Variants in PCDH9 observed in about 807,000 individuals in gnomAD.
The protein encoded by PCDH9 is protocadherin-9.
In PCDH9, 24 loss-of-function variants were observed where a neutral mutation model predicts 70.6. The observed-to-expected ratio is 0.34, with a 90% confidence interval of 0.25 to 0.48. The LOEUF (loss-of-function observed/expected upper bound fraction) is 0.48. Ranked by LOEUF, PCDH9 falls within the 20% of genes least tolerant of loss-of-function variation. The probability of loss-of-function intolerance (pLI) is 0.99; values close to 1 mark genes in which losing one functional copy is unlikely to be tolerated. For missense variants in PCDH9, 1,281 were observed against 1,503.6 expected, an observed-to-expected ratio of 0.85 and a Z score of 2.45; for synonymous variants, 562 against 558.5, an observed-to-expected ratio of 1.01 and a Z score of -0.09.
rs10579281 is a variant in PCDH9, at chr13:66,640,530, GACAC to G, written c.3139-9123_3139-9120del. Among the ~76,000 whole-genome samples the G allele has an allele frequency of 7.0e-3, 1,038 of 149,008 alleles. 3 individuals are homozygous for G. The highest frequency in any genetic ancestry group is 0.014 in the South Asian group (64 of 4,690). On this transcript the variant is annotated intron_variant, in intron 3 of 4. Coordinates refer to ENST00000377865, the MANE Select transcript of PCDH9 (RefSeq NM_203487.3). ...TTAAACAGTCACGCACCCATGCAAA[GACAC>G]ACACACACACACACACACACACACA...
chr13:66,602,926 T>C (rs1270587145), intron 4 of PCDH9, among the ~76,000 whole-genome samples: 1 of 146,016 alleles, frequency 6.8e-6, no homozygotes, highest in East Asian at 1.9e-4. Flanking sequence ...TTGCCTACAG[T>C]ATTCAATATA....
At chr13:66,375,773 T>C (rs891320170) in intron 4 of PCDH9, among the ~76,000 whole-genome samples, 3 of 152,110 alleles carry the variant, frequency 2.0e-5, no homozygotes, top group Non-Finnish European at 2.9e-5. Context: ...AAAATCATTA[T>C]ATCTGAGCCA....
At chr13:66,448,620 A>G (rs1445398404) in intron 4 of PCDH9, among the ~76,000 whole-genome samples, 2 of 152,192 alleles carry the variant, frequency 1.3e-5, no homozygotes, top group African/African-American at 4.8e-5. Context: ...ATAATACCAC[A>G]TCACAGAAAT....
rs116074158 is a variant in PCDH9 at position 66,898,363 on chromosome 13, G to T, written c.3138+5141C>A. On this transcript the variant is annotated intron_variant, in intron 3 of 4. Coordinates refer to ENST00000377865, the MANE Select transcript of PCDH9 (RefSeq NM_203487.3). ...TTTATGAAGAAAGAAAAAATTTAGT[G>T]TTATTAGTAAATATCTATTAATTGT... 9.4e-3 allele frequency among the ~76,000 whole-genome samples: 1,431 copies of T among 151,902 alleles called. 23 individuals are homozygous for T. The highest frequency in any genetic ancestry group is 0.032 in the African/African-American group (1,329 of 41,478).
rs150604922 is a variant in PCDH9, at chr13:66,390,703, T to C, written c.3341-85675A>G. ...GTGAGCCAAGATCATGCCACTGCACTCCAGCTTGGTGACAGAGATGGAGTC... is the reference window on the plus strand; with the variant it reads ...GTGAGCCAAGATCATGCCACTGCACCCCAGCTTGGTGACAGAGATGGAGTC... On this transcript the variant is annotated intron_variant, in intron 4 of 4. Transcript: ENST00000377865. 2.4e-4 allele frequency among the ~76,000 whole-genome samples: 36 copies of C among 148,364 alleles called. No homozygotes were observed. In the East Asian group the frequency reaches 7.0e-3, roughly 29 times the overall value.
intron 2 of PCDH9, among the ~76,000 whole-genome samples, chr13:67,072,441 T>C (rs548217677): frequency 6.6e-6 from 1 of 152,144 alleles, no homozygotes; most frequent in Non-Finnish European, 1.5e-5. Flanking sequence ...CGCATGACTA[T>C]CCTTAAAAAC....
chr13:66,341,743 T>C (rs1382058054), intron 4 of PCDH9, among the ~76,000 whole-genome samples: 1 of 22,042 alleles, frequency 4.5e-5, no homozygotes, highest in Non-Finnish European at 2.6e-3. Flanking sequence ...ACTAATCCTG[T>C]ACTAACAGGC....
intron 3 of PCDH9, among the ~76,000 whole-genome samples, chr13:66,779,129 T>C (rs1594049444): frequency 6.6e-6 from 1 of 152,116 alleles, no homozygotes; most frequent in East Asian, 1.9e-4. Context: ...TTTTGGTAGC[T>C]ATTTTGGTAT....
intron 2 of PCDH9, among the ~76,000 whole-genome samples, chr13:67,112,892 G>C (rs2086685704): frequency 6.6e-6 from 1 of 150,810 alleles, no homozygotes; most frequent in East Asian, 1.9e-4. Context: ...CTAATTTTTT[G>C]TAATTTTTTG....
At chr13:66,442,813 A>C (rs908379405) in intron 4 of PCDH9, among the ~76,000 whole-genome samples, 29 of 152,268 alleles carry the variant, frequency 1.9e-4, no homozygotes, top group Non-Finnish European at 2.8e-4. Flanking sequence ...TGCTCATCAT[A>C]ATATTTTCTC....
chr13:67,197,739 C>A (rs1014455488), intron 2 of PCDH9, among the ~76,000 whole-genome samples: 1 of 151,726 alleles, frequency 6.6e-6, no homozygotes, highest in Admixed American at 6.6e-5. Flanking sequence ...ATATCGATAA[C>A]CATTTATATG....
rs112496182 is a variant in PCDH9, at chr13:66,626,996, C to T, written c.3340+4214G>A. Among the ~76,000 whole-genome samples, 204 of 138,402 alleles carry T rather than the reference C, an allele frequency of 1.5e-3. 1 individual carries two copies. The highest frequency in any genetic ancestry group is 4.9e-3 in the African/African-American group (191 of 39,102). The allele number at this position is 138,402 out of a possible 152,430, so 90.8% of individuals were successfully genotyped here. A position where few individuals can be genotyped will look rare whatever the true frequency, so the allele number is the denominator to read the frequency against. ...GTGTGTGTGTGTGTGTGTTTAGAAGCAATAACCTATATTAAAGCCTGAAGT... is the reference window on the plus strand; with the variant it reads ...GTGTGTGTGTGTGTGTGTTTAGAAGTAATAACCTATATTAAAGCCTGAAGT... On this transcript the variant is annotated intron_variant, in intron 4 of 4. Transcript: ENST00000377865.
chr13:66,794,977 G>GCA (rs71107002), intron 3 of PCDH9, among the ~76,000 whole-genome samples: 205 of 147,394 alleles, frequency 1.4e-3, no homozygotes, highest in African/African-American at 4.4e-3. Flanking sequence ...ACACACACAG[G>GCA]CACACACACA....
intron 2 of PCDH9, among the ~76,000 whole-genome samples, chr13:66,922,477 T>C (rs1045730180): frequency 6.6e-6 from 1 of 151,428 alleles, no homozygotes; most frequent in African/African-American, 2.4e-5. Flanking sequence ...ACATTTTGTA[T>C]CTTTAATTTT....
At chr13:66,450,210 A>G (rs1017032188) in intron 4 of PCDH9, among the ~76,000 whole-genome samples, 2 of 152,194 alleles carry the variant, frequency 1.3e-5, no homozygotes, top group African/African-American at 2.4e-5. Context: ...ATTAGTTAAT[A>G]CCACAATAAA....
chr13:66,794,484 A>G (rs2139325787), intron 3 of PCDH9, among the ~76,000 whole-genome samples: 1 of 152,290 alleles, frequency 6.6e-6, no homozygotes, highest in East Asian at 1.9e-4. Context: ...CAGTGCCAGA[A>G]GCGTTTAGCA....
chr13:67,189,183 C>T (rs1191357651), intron 2 of PCDH9, among the ~76,000 whole-genome samples: 1 of 149,190 alleles, frequency 6.7e-6, no homozygotes, highest in East Asian at 2.0e-4. Flanking sequence ...CACATATACA[C>T]ACATATATAC....
At chr13:66,873,211 T>G (rs867861263) in intron 3 of PCDH9, among the ~76,000 whole-genome samples, 1 of 152,170 alleles carries the variant, frequency 6.6e-6, no homozygotes, top group Non-Finnish European at 1.5e-5. Context: ...CAGTCTACTT[T>G]GTTATTTTAT....
In PCDH9 at chr13:66,587,866, T is replaced by C. The variant is rs1443515888; in HGVS notation, c.3340+43344A>G. Among the ~76,000 whole-genome samples, 2 of 151,874 alleles carry C rather than the reference T, an allele frequency of 1.3e-5. 1 individual carries two copies. The highest frequency in any genetic ancestry group is 4.2e-4 in the South Asian group (2 of 4,804). ...ACAAACTTTCAAACCAAATAAAATA[T>C]TGCCCAAAGAATCAAGAATGCTAAA... On this transcript the variant is annotated intron_variant, in intron 4 of 4. Transcript: ENST00000377865.
Sources: allele counts gnomAD v4.1 joint callset (sites outside exome capture counted in the v4.1 genomes callset), GRCh38; gene constraint gnomAD v4.1.1; transcripts MANE v1.5; gene names NCBI Gene and HGNC (gene_info 2026-07-23, HGNC 2026-07-21).